CDHR2: variants seen among roughly 807,000 people sequenced by gnomAD.
CDHR2 encodes the protein cadherin related family member 2.
Under a neutral mutation model 138.6 loss-of-function variants are expected in CDHR2, and 104 were observed. The observed-to-expected ratio is 0.75, with a 90% CI of 0.64 to 0.88. The LOEUF is 0.88. Ranked by LOEUF, CDHR2 falls within the 40% of genes least tolerant of loss-of-function variation. The pLI is 0.00. For missense variants in CDHR2, 1,624 were observed against 1,727.6 expected (o/e 0.94, Z 1.06); for synonymous variants, 755 against 742.8 (o/e 1.02, Z -0.27).
intron 30 of CDHR2, among the ~76,000 whole-genome samples, chr5:176,591,959 C>CAAT (rs1554144510): frequency 3.6e-5 from 2 of 55,044 alleles, no homozygotes; most frequent in African/African-American, 6.8e-5. Flanking sequence ...GTGATGATGA[C>CAAT]GGTGGTGGTG....
intron 28 of CDHR2, 81 bp downstream of exon 28, chr5:176,590,768 G>T: frequency 6.3e-7 from 1 of 1,590,374 alleles, no homozygotes. Context: ...GGTAGAAGGA[G>T]CTGGGGCTTA....
intron 1 of CDHR2, among the ~76,000 whole-genome samples, chr5:176,557,368 C>T (rs2113262617): frequency 6.6e-6 from 1 of 151,912 alleles, no homozygotes; most frequent in Non-Finnish European, 1.5e-5. Context: ...ACTACGCTGG[C>T]CTAATTTCTG....
chr5:176,562,960 G>A (rs1757997598), intron 1 of CDHR2, among the ~76,000 whole-genome samples: 1 of 152,186 alleles, frequency 6.6e-6, no homozygotes, highest in Non-Finnish European at 1.5e-5. Context: ...GAAGGTGCAT[G>A]AGTAAGCAAT....
upstream of CDHR2, chr5:176,547,767 AC>A (rs1757617696): frequency 6.6e-6 from 1 of 152,132 alleles, no homozygotes; most frequent in African/African-American, 2.4e-5. Context: ...GGCGTAGATT[AC>A]CCTTATTTTT....
chr5:176,578,123 G>A (rs1318239747), intron 15 of CDHR2, 28 bp downstream of exon 15: 2 of 1,599,006 alleles, frequency 1.3e-6, no homozygotes, highest in East Asian at 2.3e-5. Context: ...GCCGTAGGCA[G>A]GTGGGTGAGC....
chr5:176,549,667 G>T (rs564053122), intron 1 of CDHR2, among the ~76,000 whole-genome samples: 10 of 152,276 alleles, frequency 6.6e-5, no homozygotes, highest in African/African-American at 2.4e-4. Flanking sequence ...AAGTCCTCAA[G>T]GGATGATTCT....
intron 6 of CDHR2, among the ~76,000 whole-genome samples, chr5:176,572,654 A>G (rs1214435000): frequency 6.6e-6 from 1 of 152,154 alleles, no homozygotes; most frequent in African/African-American, 2.4e-5. Flanking sequence ...GGTGGAAAGG[A>G]GATTCCCTGA....
upstream of CDHR2, among the ~76,000 whole-genome samples, chr5:176,546,926 C>G (rs1469385193): frequency 3.3e-5 from 5 of 151,618 alleles, no homozygotes; most frequent in Non-Finnish European, 7.4e-5. Flanking sequence ...TATCAAAACT[C>G]AGAACTGCAT....
chr5:176,557,407 T>C (rs1757857934), intron 1 of CDHR2, among the ~76,000 whole-genome samples: 1 of 152,118 alleles, frequency 6.6e-6, no homozygotes, highest in South Asian at 2.1e-4. Flanking sequence ...GTTTTTGCCA[T>C]GTAGGTCAGG....
chr5:176,574,459 T>C (rs184056325), intron 7 of CDHR2, among the ~76,000 whole-genome samples: 1 of 152,298 alleles, frequency 6.6e-6, no homozygotes, highest in East Asian at 1.9e-4. Context: ...CCATTTCTCA[T>C]GGAAACAGAC....
At chr5:176,555,757 A>G (rs905140082) in intron 1 of CDHR2, among the ~76,000 whole-genome samples, 1 of 148,682 alleles carries the variant, frequency 6.7e-6, no homozygotes, top group Non-Finnish European at 1.5e-5. Flanking sequence ...AAATAAAAAA[A>G]TTAGCTAGGT....
chr5:176,575,835 T>G lies in CDHR2; in HGVS notation c.956T>G (p.Val319Gly), dbSNP rs985971498. Residue 319 changes from valine (V) to glycine (G), a missense_variant, in exon 11 of 32, where the codon GTC becomes GGC. This residue lies in a region of CDHR2 where 1,061 missense variants were observed against 1,136.6 expected (regional missense o/e 0.93). Coordinates refer to ENST00000261944, the MANE Select transcript of CDHR2 (RefSeq NM_017675.6). ...LEADEEVQLQ[V>G]TATETHLNIY... Reference sequence around the variant, plus strand: ...GCGGATGAGGAGGTGCAGCTGCAGGTCACGGTGAGCAAAGGCCCCACCACC... The same window carrying G: ...GCGGATGAGGAGGTGCAGCTGCAGGGCACGGTGAGCAAAGGCCCCACCACC... The G allele has an allele frequency of 1.9e-6, 3 of 1,548,448 alleles. No homozygotes were observed. Among genetic ancestry groups the G allele is most frequent in the Admixed American group, 3.9e-5 (2 of 50,804 alleles).
At chr5:176,571,767 A>G (rs1435666680) in intron 6 of CDHR2, among the ~76,000 whole-genome samples, 1 of 148,090 alleles carries the variant, frequency 6.8e-6, no homozygotes, top group Non-Finnish European at 1.5e-5. Flanking sequence ...CGATTTCCTG[A>G]CCTCGTGATC....
chr5:176,588,360 T>C (rs573200173), intron 21 of CDHR2, among the ~76,000 whole-genome samples: 1 of 132,044 alleles, frequency 7.6e-6, no homozygotes, highest in East Asian at 2.2e-4. Flanking sequence ...GAATTGAGTG[T>C]ATTTGTGTGA....
upstream of CDHR2, among the ~76,000 whole-genome samples, chr5:176,546,703 C>G (rs1757590140): frequency 6.9e-6 from 1 of 145,808 alleles, no homozygotes; most frequent in Non-Finnish European, 1.5e-5. Flanking sequence ...GGTGGGTCAC[C>G]TGAGGTCAGG....
intron 1 of CDHR2, among the ~76,000 whole-genome samples, chr5:176,554,983 G>T (rs914744672): frequency 2.6e-5 from 4 of 152,192 alleles, no homozygotes; most frequent in African/African-American, 4.8e-5. Context: ...ATTACGTAGT[G>T]CCCGGCTCAA....
At position 176,585,855 on chromosome 5, in the gene CDHR2, C is replaced by T. The variant is rs148885295; in HGVS notation, c.2735-99C>T. 1.5e-3 allele frequency: 1,378 copies of T among 915,462 alleles called. 6 individuals carry two copies. The African/African-American group carries it at 0.02, about 14-fold the overall frequency. The allele number at this position is 915,462 out of a possible 1,614,324, so 56.7% of individuals were successfully genotyped here. ...GCTGCGGGGCACGGGGTTGAGGCTG[C>T]GGGGCATGGGGTTGAGGCTGTGGGG... On this transcript the variant is annotated intron_variant, in intron 19 of 31. Coordinates refer to ENST00000261944, the MANE Select transcript of CDHR2 (RefSeq NM_017675.6).
At chr5:176,568,389 C>A (rs1474252853) in intron 3 of CDHR2, among the ~76,000 whole-genome samples, 2 of 152,256 alleles carry the variant, frequency 1.3e-5, no homozygotes, top group Non-Finnish European at 2.9e-5. Flanking sequence ...TCTTGTGTCA[C>A]GGAAACTCGG....
chr5:176,551,070 G>A (rs542290456), intron 1 of CDHR2, among the ~76,000 whole-genome samples: 16 of 152,232 alleles, frequency 1.1e-4, no homozygotes, highest in South Asian at 6.2e-4. Context: ...AGTGCAAGGC[G>A]CTATCTCGGC....
Sources: allele counts gnomAD v4.1 joint callset (sites outside exome capture counted in the v4.1 genomes callset), GRCh38; gene constraint gnomAD v4.1.1; regional missense constraint gnomAD v4.1.1; transcripts MANE v1.5; gene names NCBI Gene and HGNC (gene_info 2026-07-23, HGNC 2026-07-21).